The following ARPP21 variants were observed in gnomAD, a reference collection of about 807,000 sequenced individuals.
ARPP21 encodes the protein cAMP-regulated phosphoprotein 21.
Under a neutral mutation model 113.2 loss-of-function variants are expected in ARPP21, and 69 were observed. The ratio of observed to expected loss-of-function variants is 0.61; its 90% confidence interval spans 0.50 to 0.74. ARPP21 has a LOEUF of 0.74. ARPP21 is among the 30% of genes least tolerant of loss of function. The probability of loss-of-function intolerance (pLI) is 0.00; values close to 1 mark genes in which losing one functional copy is unlikely to be tolerated. For synonymous variants in ARPP21, 368 were observed against 375.5 expected, an observed-to-expected ratio of 0.98 and a Z score of 0.23; for missense variants, 1,070 against 1,037.4, an observed-to-expected ratio of 1.03 and a Z score of -0.43.
At position 35,655,525 on chromosome 3, in the gene ARPP21, T is replaced by A. The variant is rs988943971; in HGVS notation, c.-213+15127T>A. On this transcript the variant is annotated intron_variant, in intron 1 of 20. Transcript: ENST00000684406. ...AATAGAGAGTAAGATGATGAATTTA[T>A]TGTTTCAAATGAGGACTCAGGGGTT... is the stretch of plus-strand genomic sequence containing the variant. 1.3e-5 allele frequency among the ~76,000 whole-genome samples: 2 copies of A among 152,148 alleles called. 1 individual carries two copies. Among genetic ancestry groups the A allele is most frequent in the Middle Eastern group, 6.8e-3 (2 of 294 alleles).
intron 10 of ARPP21, 135 bp from the exon 11 acceptor site, chr3:35,708,834 G>A: frequency 1.5e-6 from 1 of 656,402 alleles, no homozygotes; most frequent in Non-Finnish European, 2.7e-6. Context: ...GCCTCCTCAG[G>A]AAACAGAGAG....
At chr3:35,705,156 G>A (rs1351458822) in intron 9 of ARPP21, among the ~76,000 whole-genome samples, 3 of 151,958 alleles carry the variant, frequency 2.0e-5, no homozygotes, top group Non-Finnish European at 4.4e-5. Context: ...ATCAACATCT[G>A]TATTTAAGTC....
rs2093110467 is a variant in ARPP21, at chr3:35,721,901, C to A, written c.1225+67C>A. ...GGATTCTACCCAAGCCATATGGTCA[C>A]CATTCCCTCTGACTTTCAGTTGACT... is the stretch of plus-strand genomic sequence containing the variant. On this transcript the variant is annotated intron_variant, in intron 14 of 20. Transcript: ENST00000684406. The A allele has an allele frequency of 4.1e-6, 4 of 983,548 alleles. No homozygotes were observed. The Admixed American group carries it at 1.1e-4, about 28-fold the overall frequency. 60.9% of individuals were successfully genotyped at this position (983,548 alleles called of 1,614,324 possible). A position where few individuals can be genotyped will look rare whatever the true frequency, so the allele number is the denominator to read the frequency against.
chr3:35,709,406 GTGT>G (rs1312759555), intron 11 of ARPP21, among the ~76,000 whole-genome samples: 1 of 152,172 alleles, frequency 6.6e-6, no homozygotes, highest in East Asian at 1.9e-4. Context: ...TACCTACCTA[GTGT>G]TGTTTTCTTT....
intron 9 of ARPP21, among the ~76,000 whole-genome samples, chr3:35,694,427 G>T (rs1015412488): frequency 1.1e-4 from 17 of 151,094 alleles, no homozygotes; most frequent in African/African-American, 4.1e-4. Context: ...TTTACATCTT[G>T]TAATAATATA....
Position 35,794,244 on chromosome 3 carries a change from C to A in ARPP21, c.*286C>A. On this transcript the variant is annotated 3_prime_UTR_variant, in exon 21 of 21. Transcript: ENST00000684406. Reference sequence around the variant, plus strand: ...AATACCACTGTGTAGATTATAATATCCCTAATTTGGATTAGTTTTGTACTT... The same window carrying A: ...AATACCACTGTGTAGATTATAATATACCTAATTTGGATTAGTTTTGTACTT... The A allele has an allele frequency of 2.5e-6, 1 of 398,146 alleles. No individual in the cohort carries two copies. Among genetic ancestry groups the A allele is most frequent in the Non-Finnish European group, 4.5e-6 (1 of 221,022 alleles). 24.7% of individuals were successfully genotyped at this position (398,146 alleles called of 1,614,324 possible). A position where few individuals can be genotyped will look rare whatever the true frequency, so the allele number is the denominator to read the frequency against.
chr3:35,691,847 A>G (rs553402538), intron 9 of ARPP21, among the ~76,000 whole-genome samples: 3 of 151,664 alleles, frequency 2.0e-5, no homozygotes, highest in South Asian at 4.1e-4. Flanking sequence ...TTTTTTCACA[A>G]TGTGCTTGGT....
intron 15 of ARPP21, among the ~76,000 whole-genome samples, chr3:35,731,903 CT>C (rs2094000676): frequency 6.6e-6 from 1 of 152,118 alleles, no homozygotes; most frequent in Admixed American, 6.5e-5. Context: ...GGCTCATTTC[CT>C]TTTTACAACC....
At chr3:35,695,260 A>G (rs1487128255) in intron 9 of ARPP21, among the ~76,000 whole-genome samples, 1 of 151,574 alleles carries the variant, frequency 6.6e-6, no homozygotes, top group Non-Finnish European at 1.5e-5. Context: ...AATACATTCC[A>G]GGTTTCTGTA....
chr3:35,643,332 A>G (rs927292364), intron 1 of ARPP21, among the ~76,000 whole-genome samples: 6 of 152,114 alleles, frequency 3.9e-5, no homozygotes, highest in African/African-American at 1.2e-4. Context: ...GCCAATTCCT[A>G]TGAAAAATAA....
At chr3:35,654,097 C>T (rs114088701) in intron 1 of ARPP21, among the ~76,000 whole-genome samples, 2,770 of 152,018 alleles carry the variant, frequency 0.018, 58 homozygotes, top group Admixed American at 0.057. Context: ...CAGTGATTCA[C>T]ACTTAAGAAC....
intron 19 of ARPP21, among the ~76,000 whole-genome samples, chr3:35,780,537 C>G (rs866036314): frequency 6.6e-6 from 1 of 151,920 alleles, no homozygotes; most frequent in Non-Finnish European, 1.5e-5. Context: ...TGGCCTCCCC[C>G]GCAGTGTAAT....
chr3:35,651,137 A>G (rs1484136746), intron 1 of ARPP21, among the ~76,000 whole-genome samples: 1 of 152,130 alleles, frequency 6.6e-6, no homozygotes, highest in Non-Finnish European at 1.5e-5. Flanking sequence ...TAGGAAAACC[A>G]CAGAGGAATA....
At chr3:35,677,174 T>A (rs1294219779) in intron 1 of ARPP21, among the ~76,000 whole-genome samples, 2 of 151,970 alleles carry the variant, frequency 1.3e-5, no homozygotes, top group Non-Finnish European at 2.9e-5. Context: ...AAAATTTACC[T>A]TTAATTTCCC....
chr3:35,730,313 T>C (rs2093867290), intron 15 of ARPP21, among the ~76,000 whole-genome samples: 1 of 152,240 alleles, frequency 6.6e-6, no homozygotes, highest in African/African-American at 2.4e-5. Flanking sequence ...CAGGGGAAAC[T>C]TCTCAACCCG....
intron 19 of ARPP21, among the ~76,000 whole-genome samples, chr3:35,784,306 A>G (rs2096586111): frequency 6.6e-6 from 1 of 152,246 alleles, no homozygotes; most frequent in African/African-American, 2.4e-5. Flanking sequence ...CAAGAGCCAA[A>G]TGTTTAAAAA....
At chr3:35,761,318 T>C (rs184155374) in intron 19 of ARPP21, among the ~76,000 whole-genome samples, 113 of 152,228 alleles carry the variant, frequency 7.4e-4, no homozygotes, top group African/African-American at 2.3e-3. Flanking sequence ...AACGTTTAGA[T>C]GTAGGTAAGG....
At chr3:35,715,644 T>C (rs1447835482) in intron 12 of ARPP21, 168 bp downstream of exon 12, 2 of 454,474 alleles carry the variant, frequency 4.4e-6, no homozygotes, top group Non-Finnish European at 7.6e-6. Flanking sequence ...CATCTACAAA[T>C]GATCTAATTT....
chr3:35,719,641 T>C (rs1313329799), intron 13 of ARPP21, among the ~76,000 whole-genome samples: 3 of 152,044 alleles, frequency 2.0e-5, no homozygotes, highest in African/African-American at 7.3e-5. Flanking sequence ...AGGTGCAGAG[T>C]TCATGGCTAA....
Sources: gnomAD v4.1 joint callset for allele counts (sites outside exome capture counted in the v4.1 genomes callset) on GRCh38, gnomAD v4.1.1 for gene constraint, MANE v1.5 for transcripts, NCBI Gene and HGNC (gene_info 2026-07-23, HGNC 2026-07-21) for gene names.